UBE3D: variants seen among roughly 807,000 people sequenced by gnomAD.
UBE3D encodes the protein E3 ubiquitin-protein ligase E3D.
UBE3D carries 48 observed loss-of-function variants against 49.6 expected under a neutral mutation model. That is an observed-to-expected ratio of 0.97 (90% CI 0.77 to 1.23). UBE3D has a LOEUF of 1.23. Among genes scored for constraint, UBE3D ranks in the 50% most tolerant of loss-of-function variants. The probability of loss-of-function intolerance (pLI) is 0.00; values close to 1 mark genes in which losing one functional copy is unlikely to be tolerated. For synonymous variants in UBE3D, 189 were observed against 174.2 expected (o/e 1.08, Z -0.67); for missense variants, 452 against 468.4 (o/e 0.96, Z 0.32).
rs148919047 is a variant in UBE3D at position 82,998,087 on chromosome 6, G to A, written c.1010+20886C>T. 4.6e-3 allele frequency among the ~76,000 whole-genome samples: 708 copies of A among 152,342 alleles called. 2 individuals are homozygous for A. Among genetic ancestry groups the A allele is most frequent in the Non-Finnish European group, 6.8e-3 (461 of 68,034 alleles). On this transcript the variant is annotated intron_variant, in intron 8 of 9. Transcript: ENST00000369747. ...CCCATGGAGGACAGTGCTATTGCTA[G>A]AGGCCTTTGGCCTGAAGCCTTGCAT... is the stretch of plus-strand genomic sequence containing the variant.
chr6:82,951,940 T>C (rs961033394), intron 9 of UBE3D, among the ~76,000 whole-genome samples: 9 of 152,144 alleles, frequency 5.9e-5, no homozygotes, highest in Non-Finnish European at 8.8e-5. Flanking sequence ...TCTTTAGAGA[T>C]AGAACAGTGT....
chr6:83,049,551 T>C (rs1451619455), intron 3 of UBE3D, among the ~76,000 whole-genome samples: 3 of 152,206 alleles, frequency 2.0e-5, no homozygotes, highest in African/African-American at 7.2e-5. Flanking sequence ...TTGGGAGTAG[T>C]TATTTTCAGG....
In UBE3D at chr6:82,957,468, A is replaced by G. The variant is rs369762423; in HGVS notation, c.1011-18T>C. ...TGACAAGTCTGGAACACACCAACAC[A>G]TTAACTTTCAAAAATGCATTATCAT... On this transcript the variant is annotated intron_variant, in intron 8 of 9. Coordinates refer to ENST00000369747, the MANE Select transcript of UBE3D (RefSeq NM_198920.3). 5.0e-6 allele frequency: 8 copies of G among 1,589,692 alleles called. No homozygotes were observed. In the African/African-American group the frequency reaches 6.8e-5, roughly 13 times the overall value.
At chr6:83,018,866 A>C in intron 8 of UBE3D, 107 bp downstream of exon 8, 1 of 1,285,450 alleles carries the variant, frequency 7.8e-7, no homozygotes, top group Non-Finnish European at 1.1e-6. Flanking sequence ...TAGAAGCTTC[A>C]AGTAGGGAAA....
intron 9 of UBE3D, among the ~76,000 whole-genome samples, chr6:82,904,691 A>C (rs534658752): frequency 3.0e-4 from 45 of 152,352 alleles, no homozygotes; most frequent in African/African-American, 9.6e-4. Context: ...CTGCTAATGA[A>C]CAAATTCATG....
intron 5 of UBE3D, among the ~76,000 whole-genome samples, chr6:83,035,011 A>C (rs1218015041): frequency 6.6e-6 from 1 of 151,880 alleles, no homozygotes; most frequent in South Asian, 2.1e-4. Context: ...TGGAGACCCC[A>C]CTTCTACAAA....
chr6:83,035,961 G>C (rs529218073), intron 5 of UBE3D: 4 of 150,764 alleles, frequency 2.7e-5, no homozygotes, highest in Admixed American at 6.6e-5. Context: ...GGATAGACAA[G>C]ATAGACAATG....
intron 8 of UBE3D, among the ~76,000 whole-genome samples, chr6:82,966,124 G>A (rs1158147328): frequency 6.6e-6 from 1 of 151,952 alleles, no homozygotes; most frequent in Admixed American, 6.6e-5. Flanking sequence ...TATTGCAACT[G>A]ATCGGTATGT....
chr6:82,979,315 G>A (rs62419168), intron 8 of UBE3D, among the ~76,000 whole-genome samples: 25,071 of 151,926 alleles, frequency 0.17, 2,164 homozygotes, highest in African/African-American at 0.2. Context: ...ACCAGGAATC[G>A]CAACCCAACT....
At chr6:82,901,066 A>T (rs990713111) in intron 9 of UBE3D, among the ~76,000 whole-genome samples, 1 of 152,196 alleles carries the variant, frequency 6.6e-6, no homozygotes, top group African/African-American at 2.4e-5. Context: ...TTGTGGCTAC[A>T]TCACTTAGGG....
At chr6:83,020,860 C>A (rs1781044808) in intron 7 of UBE3D, among the ~76,000 whole-genome samples, 1 of 152,200 alleles carries the variant, frequency 6.6e-6, no homozygotes, top group Admixed American at 6.5e-5. Flanking sequence ...TTGTGTTCTA[C>A]CTTGAGCACC....
intron 9 of UBE3D, among the ~76,000 whole-genome samples, chr6:82,926,258 T>G (rs1170290576): frequency 6.6e-6 from 1 of 152,142 alleles, no homozygotes; most frequent in African/African-American, 2.4e-5. Flanking sequence ...CCTAGTAATA[T>G]GCATTTAAGT....
chr6:82,929,245 T>C (rs1451679127), intron 9 of UBE3D, among the ~76,000 whole-genome samples: 1 of 151,064 alleles, frequency 6.6e-6, no homozygotes, highest in Non-Finnish European at 1.5e-5. Flanking sequence ...TGGGCCCTAA[T>C]CACATCTGAT....
chr6:83,046,676 G>GGT (rs957789593), intron 3 of UBE3D, among the ~76,000 whole-genome samples: 7 of 138,202 alleles, frequency 5.1e-5, no homozygotes, highest in South Asian at 2.5e-4. Flanking sequence ...AGTTGGCGGG[G>GGT]GGGGTGGGCG....
the UBE3D span, among the ~76,000 whole-genome samples, chr6:82,883,822 A>G: frequency 6.6e-6 from 1 of 152,204 alleles, no homozygotes; most frequent in African/African-American, 2.4e-5. Flanking sequence ...AGCTTGTGTT[A>G]TAGCACTTCT....
chr6:82,898,924 C>T (rs2127715124), intron 9 of UBE3D, among the ~76,000 whole-genome samples: 1 of 152,134 alleles, frequency 6.6e-6, no homozygotes. Flanking sequence ...CTGATTGTTC[C>T]AGCCACAGCG....
At chr6:82,953,862 G>T (rs979316624) in intron 9 of UBE3D, among the ~76,000 whole-genome samples, 1 of 152,206 alleles carries the variant, frequency 6.6e-6, no homozygotes, top group African/African-American at 2.4e-5. Context: ...AAGAAGGGGG[G>T]TCAGGTTGGG....
intron 5 of UBE3D, chr6:83,037,107 T>C (rs1242229096): frequency 1.3e-5 from 2 of 152,254 alleles, no homozygotes; most frequent in African/African-American, 4.8e-5. Context: ...TAGCTGTATA[T>C]ATACACTTTG....
At chr6:82,921,596 T>TCTCAGC (rs1449030039) in intron 9 of UBE3D, among the ~76,000 whole-genome samples, 1 of 152,202 alleles carries the variant, frequency 6.6e-6, no homozygotes, top group Non-Finnish European at 1.5e-5. Context: ...AACTTGCCTG[T>TCTCAGC]CTCAGCCTCA....
Sources: gnomAD v4.1 joint callset for allele counts (sites outside exome capture counted in the v4.1 genomes callset) on GRCh38, gnomAD v4.1.1 for gene constraint, MANE v1.5 for transcripts, NCBI Gene and HGNC (gene_info 2026-07-23, HGNC 2026-07-21) for gene names.